The following LTBP4 variants were observed in gnomAD, a reference collection of about 807,000 sequenced individuals.
LTBP4 encodes the protein latent transforming growth factor beta binding protein 4, also known as latent-transforming growth factor beta-binding protein 4.
In LTBP4, 93 loss-of-function variants were observed where a neutral mutation model predicts 180.2. The observed-to-expected ratio is 0.52, with a 90% CI of 0.44 to 0.61. The LOEUF (loss-of-function observed/expected upper bound fraction) is 0.61, where lower values mean the gene tolerates loss of function less well. Ranked by LOEUF, LTBP4 falls within the 20% of genes least tolerant of loss-of-function variation. The pLI is 0.00. For synonymous variants in LTBP4, 947 were observed against 934.5 expected (o/e 1.01, Z -0.24); for missense variants, 2,116 against 2,256.5 (o/e 0.94, Z 1.26).
In LTBP4 at chr19:40,605,524, G is replaced by C. The variant is rs771375902; in HGVS notation, c.562G>C (p.Ala188Pro). The change falls in exon 3 of 30, where the codon GCG becomes CCG. Residue 188 changes from alanine (A) to proline (P), a missense_variant. Transcript: ENST00000396819. The surrounding 1 kb of genome is among the most constrained non-coding windows in gnomAD (Gnocchi z 5.5). ...EEADAEAVAR[A>P]EAAARAEAAA... ...GGCGGACGCTGAGGCGGTGGCGCGG[G>C]CGGAAGCGGCGGCGCGGGCGGAGGC... The C allele has an allele frequency of 1.2e-6, 2 of 1,608,462 alleles. No individual in the cohort carries two copies. The highest frequency in any genetic ancestry group is 1.1e-5 in the South Asian group (1 of 90,934).
intron 1 of LTBP4, among the ~76,000 whole-genome samples, chr19:40,595,482 C>T (rs938220659): frequency 1.3e-5 from 2 of 152,008 alleles, no homozygotes; most frequent in Non-Finnish European, 2.9e-5. Context: ...CCTGGCTCTG[C>T]CCCCTCCTGC....
intron 26 of LTBP4, among the ~76,000 whole-genome samples, chr19:40,625,298 A>T (rs1291684467): frequency 0.11 from 1,137 of 9,990 alleles, 206 homozygotes; most frequent in African/African-American, 0.31. Context: ...ATATATATAT[A>T]TATATATATA....
intron 27 of LTBP4, among the ~76,000 whole-genome samples, chr19:40,626,424 C>T (rs1366327935): frequency 6.6e-6 from 1 of 152,044 alleles, no homozygotes; most frequent in Non-Finnish European, 1.5e-5. Flanking sequence ...CCTCCAAGTC[C>T]CATTGCCTTA....
At chr19:40,597,211 G>T, upstream of LTBP4, 1 of 1,453,780 alleles carries the variant, frequency 6.9e-7, no homozygotes, top group Non-Finnish European at 9.0e-7. Context: ...CGCCCGCCCG[G>T]AGCGGGACTC....
chr19:40,613,826 T>C lies in LTBP4; in HGVS notation c.2558-90T>C, dbSNP rs1396206668. 2 of 1,575,506 alleles carry C rather than the reference T, an allele frequency of 1.3e-6. No individual in the cohort carries two copies. Among genetic ancestry groups the C allele is most frequent in the Middle Eastern group, 1.7e-4 (1 of 5,974 alleles). On this transcript the variant is annotated intron_variant, in intron 17 of 29. Transcript: ENST00000396819. This position sits in a 1 kb window ranked among gnomAD's most constrained non-coding sequence, Gnocchi z 5.0. ...CAGGTTGGGGAAGGCGTGAGAGGCC[T>C]AGGAGAGCCGAGGGGCGGTGGAGGG...
chr19:40,614,507 T>C, intron 19 of LTBP4, 61 bp downstream of exon 19: 1 of 1,551,926 alleles, frequency 6.4e-7, no homozygotes, highest in Non-Finnish European at 8.7e-7. Flanking sequence ...GGCTGCTCCC[T>C]TGGGGACTGA....
At chr19:40,614,924 A>C (rs1236016923) in intron 19 of LTBP4, among the ~76,000 whole-genome samples, 1 of 151,932 alleles carries the variant, frequency 6.6e-6, no homozygotes, top group Non-Finnish European at 1.5e-5. Flanking sequence ...CCAAGGTGAA[A>C]TTCTCCTAGC....
chr19:40,625,279 TATATATATATA>T lies in LTBP4; in HGVS notation c.3833-577_3833-567del, dbSNP rs1568414353. Among the ~76,000 whole-genome samples the T allele has an allele frequency of 3.8e-3, 37 of 9,650 alleles. 8 individuals carry two copies. The highest frequency in any genetic ancestry group is 5.4e-3 in the Non-Finnish European group (33 of 6,108). The allele number at this position is 9,650 out of a possible 152,430, so 6.3% of individuals were successfully genotyped here. A position where few individuals can be genotyped will look rare whatever the true frequency, so the allele number is the denominator to read the frequency against. On this transcript the variant is annotated intron_variant, in intron 26 of 29. Transcript: ENST00000396819. Reference sequence around the variant, plus strand: ...ATATATATATATATATATATATATATATATATATATATATATATATATATATATATATATAT... The same window carrying T: ...ATATATATATATATATATATATATATTATATATATATATATATATATATAT...
intron 22 of LTBP4, 79 bp downstream of exon 22, chr19:40,619,572 A>G: frequency 6.9e-7 from 1 of 1,447,344 alleles, no homozygotes; most frequent in Non-Finnish European, 9.3e-7. Flanking sequence ...CCTGATGTGG[A>G]CAGCTACCAT....
upstream of LTBP4, among the ~76,000 whole-genome samples, chr19:40,598,230 C>T (rs1175598734): frequency 6.6e-6 from 1 of 151,830 alleles, no homozygotes; most frequent in African/African-American, 2.4e-5. Flanking sequence ...GGGGCGGGGC[C>T]GGGAAGGGGT....
At chr19:40,607,647 C>A in intron 7 of LTBP4, 118 bp downstream of exon 7, 1 of 1,189,340 alleles carries the variant, frequency 8.4e-7, no homozygotes, top group Non-Finnish European at 1.1e-6. Context: ...CCAGCCTTGG[C>A]CACGCAGCAG....
At chr19:40,625,658 C>T (rs2081628394) in intron 26 of LTBP4, among the ~76,000 whole-genome samples, 199 bp from the exon 27 acceptor site, 1 of 152,164 alleles carries the variant, frequency 6.6e-6, no homozygotes, top group Non-Finnish European at 1.5e-5. Context: ...CTGCCCTCTC[C>T]TCCTATATGA....
In LTBP4 at chr19:40,623,944, G is replaced by C. The variant is rs758640982; in HGVS notation, c.3694G>C (p.Glu1232Gln). 1 of 1,613,924 alleles carries C rather than the reference G, an allele frequency of 6.2e-7. No homozygotes were observed. Among genetic ancestry groups the C allele is most frequent in the Non-Finnish European group, 8.5e-7 (1 of 1,179,848 alleles). Residue 1232 changes from glutamate to glutamine, a missense_variant, in exon 26 of 30, where the codon GAG (glutamate) becomes CAG (glutamine). Glu to Gln is a conservative substitution (Grantham distance 29, BLOSUM62 2). Around this residue, in one of 5 missense-constraint regions of LTBP4, gnomAD observed 278 missense variants for 373.0 expected, o/e 0.75. Coordinates refer to ENST00000396819, the MANE Select transcript of LTBP4 (RefSeq NM_001042545.2). ...AATCATCCTCTCCCTAGACAATGAC[G>C]AGTGCGCCGATGAGGAACCGGCCTG... ...TQRLECIDND[E>Q]CADEEPACEG...
At chr19:40,610,052 AC>A in intron 11 of LTBP4, 181 bp downstream of exon 11, 3 of 782,876 alleles carry the variant, frequency 3.8e-6, no homozygotes, top group South Asian at 2.3e-5. Context: ...CCTCCCTTTG[AC>A]CCCACCCCTA....
chr19:40,598,958 G>C (rs2081405815), upstream of LTBP4, among the ~76,000 whole-genome samples: 2 of 152,088 alleles, frequency 1.3e-5, no homozygotes, highest in African/African-American at 4.8e-5. Flanking sequence ...AAAATCGTAC[G>C]CCAAAATCTC....
Position 40,605,385 on chromosome 19 carries a change from C to T in LTBP4, c.443-20C>T. The T allele has an allele frequency of 6.2e-7, 1 of 1,611,972 alleles. No individual in the cohort carries two copies. Among genetic ancestry groups the T allele is most frequent in the Non-Finnish European group, 8.5e-7 (1 of 1,179,348 alleles). ...AAGAACCCGTGTAGACATCCGTTTG[C>T]CCGGCCGTGCCTCCCCTAGGCGTGG... On this transcript the variant is annotated intron_variant, in intron 2 of 29. Transcript: ENST00000396819. The surrounding 1 kb of genome is among the most constrained non-coding windows in gnomAD (Gnocchi z 5.5).
At chr19:40,612,981 C>T (rs1320588537) in intron 15 of LTBP4, 84 bp from the exon 16 acceptor site, 1 of 1,416,770 alleles carries the variant, frequency 7.1e-7, no homozygotes, top group African/African-American at 1.4e-5. Context: ...CTTCCCACCA[C>T]CTCCCCCAGA....
chr19:40,605,698 G>C lies in LTBP4; in HGVS notation c.691-31G>C. 1 of 1,547,362 alleles carries C rather than the reference G, an allele frequency of 6.5e-7. No individual in the cohort carries two copies. The highest frequency in any genetic ancestry group is 1.4e-5 in the African/African-American group (1 of 73,132). ...AGGGGCCCGGAGCTTGCCTCCGCGC[G>C]GGGGCGCGCTCACCCAACACTTCCC... is the stretch of plus-strand genomic sequence containing the variant. On this transcript the variant is annotated intron_variant, in intron 3 of 29. Coordinates refer to ENST00000396819, the MANE Select transcript of LTBP4 (RefSeq NM_001042545.2). This position sits in a 1 kb window ranked among gnomAD's most constrained non-coding sequence, Gnocchi z 5.5.
chr19:40,610,878 C>A, intron 12 of LTBP4: 1 of 766,312 alleles, frequency 1.3e-6, no homozygotes, highest in African/African-American at 1.8e-5. Flanking sequence ...GATGGAGAAG[C>A]AGAATGAGGA....
Sources: gnomAD v4.1 joint callset for allele counts (sites outside exome capture counted in the v4.1 genomes callset) on GRCh38, gnomAD v4.1.1 for gene constraint, gnomAD v4.1.1 regional missense constraint, Gnocchi (gnomAD v3.1) non-coding constraint, MANE v1.5 for transcripts, NCBI Gene and HGNC (gene_info 2026-07-23, HGNC 2026-07-21) for gene names.